PKD1L1: variants seen among roughly 807,000 people sequenced by gnomAD.
The protein encoded by PKD1L1 is polycystin 1 like 1, transient receptor potential channel interacting.
A neutral mutation model predicts 323.4 loss-of-function variants in PKD1L1; 236 were observed. The observed-to-expected ratio is 0.73, with a 90% confidence interval of 0.66 to 0.81. PKD1L1 has a LOEUF of 0.81. Ranked by LOEUF, PKD1L1 falls within the 40% of genes least tolerant of loss-of-function variation. The pLI, the probability that PKD1L1 is intolerant of heterozygous loss-of-function variation, is 0.00. For missense variants in PKD1L1, 3,320 were observed against 3,508.0 expected (o/e 0.95, Z 1.35); for synonymous variants, 1,344 against 1,335.0 (o/e 1.01, Z -0.15).
At chr7:47,824,580 C>T (rs2128733429) in intron 45 of PKD1L1, among the ~76,000 whole-genome samples, 1 of 152,234 alleles carries the variant, frequency 6.6e-6, no homozygotes, top group South Asian at 2.1e-4. Flanking sequence ...AAATCTTATT[C>T]CTTCTCTCCC....
At chr7:47,958,619 A>T in the PKD1L1 span, among the ~76,000 whole-genome samples, 14 of 152,266 alleles carry the variant, frequency 9.2e-5, no homozygotes, top group Non-Finnish European at 1.9e-4. Context: ...AAGCTTCTGC[A>T]CAGCAAAGGA....
chr7:47,876,788 A>C (rs540889804), intron 22 of PKD1L1, among the ~76,000 whole-genome samples: 5 of 151,700 alleles, frequency 3.3e-5, no homozygotes, highest in African/African-American at 1.2e-4. Context: ...TCTTTTTTTA[A>C]ATTTTTTTTT....
At chr7:47,865,346 T>C in intron 25 of PKD1L1, 74 bp from the exon 26 acceptor site, 2 of 1,351,144 alleles carry the variant, frequency 1.5e-6, no homozygotes, top group Middle Eastern at 3.6e-4. Flanking sequence ...GGGTTAAAGT[T>C]ACAGCTTGCC....
At chr7:47,829,372 T>C (rs1035111651) in intron 44 of PKD1L1, 53 bp downstream of exon 44, 3 of 1,490,450 alleles carry the variant, frequency 2.0e-6, no homozygotes, top group African/African-American at 1.4e-5. Flanking sequence ...CATGATAGAA[T>C]ATAAAGTAGT....
chr7:47,862,722 C>T (rs987735867), intron 26 of PKD1L1, among the ~76,000 whole-genome samples: 2 of 152,058 alleles, frequency 1.3e-5, no homozygotes, highest in African/African-American at 4.8e-5. Flanking sequence ...TTTGAAAAGC[C>T]AAGGGGAGGG....
At chr7:47,799,812 C>G (rs1289653194) in intron 54 of PKD1L1, among the ~76,000 whole-genome samples, 1 of 152,190 alleles carries the variant, frequency 6.6e-6, no homozygotes, top group East Asian at 1.9e-4. Flanking sequence ...ATAGGAACAC[C>G]TGTAGGGCCT....
At chr7:47,850,918 G>C (rs767019740) in intron 31 of PKD1L1, among the ~76,000 whole-genome samples, 7 of 152,134 alleles carry the variant, frequency 4.6e-5, no homozygotes, top group Non-Finnish European at 8.8e-5. Flanking sequence ...CTGTAGGATA[G>C]AGCAAAGTGA....
chr7:47,905,245 G>A lies in PKD1L1; in HGVS notation c.1603C>T (p.Pro535Ser), dbSNP rs773487217. ...TFTAVTKETI[P>S]LEFEWYFGED... is the part of the protein sequence containing the mutation. ...CCAAAATACCACTCAAATTCCAGGG[G>A]TATTGTTTCCTTGGTAACAGCTGTA... The change falls in exon 11 of 57, where the codon CCC (proline) becomes TCC (serine). Residue 535 changes from proline (P) to serine (S), a missense_variant. Physicochemically the swap from Pro to Ser is moderately conservative, Grantham distance 74 (BLOSUM62 -1). Transcript: ENST00000289672. The A allele has an allele frequency of 6.2e-7, 1 of 1,614,084 alleles. No homozygotes were observed. Among genetic ancestry groups the A allele is most frequent in the East Asian group, 2.2e-5 (1 of 44,880 alleles).
chr7:47,811,176 C>A (rs1391654752), intron 50 of PKD1L1, among the ~76,000 whole-genome samples: 1 of 136,806 alleles, frequency 7.3e-6, no homozygotes, highest in African/African-American at 2.7e-5. Context: ...TTTTTTTAGA[C>A]GGAGTCTTGC....
chr7:47,943,375 C>G (rs760606946), intron 2 of PKD1L1, 21 bp downstream of exon 2: 10 of 1,576,706 alleles, frequency 6.3e-6, no homozygotes, highest in Non-Finnish European at 7.8e-6. Context: ...GGTGGCCATG[C>G]CTCCTTCCCC....
At chr7:47,948,546 G>A, upstream of PKD1L1, 5 of 1,121,172 alleles carry the variant, frequency 4.5e-6, no homozygotes, top group Admixed American at 3.7e-5. Flanking sequence ...TTCTGTACTT[G>A]TGACCTCTTA....
In PKD1L1 at chr7:47,904,612, C is replaced by G. The variant is rs143510449; in HGVS notation, c.1697G>C (p.Arg566Pro). 3.1e-6 allele frequency: 5 copies of G among 1,610,794 alleles called. No homozygotes were observed. Among genetic ancestry groups the G allele is most frequent in the Non-Finnish European group, 4.2e-6 (5 of 1,177,778 alleles). Residue 566 changes from arginine to proline, a missense_variant, in exon 12 of 57, where the codon CGT (arginine) becomes CCT (proline). Arg to Pro is a moderately radical substitution (Grantham distance 103). Coordinates refer to ENST00000289672, the MANE Select transcript of PKD1L1 (RefSeq NM_138295.5). Reference sequence around the variant, plus strand: ...CCTGTTGGAAGCCTTAACCATCACACGATACCTGCAGGATGGGGAAAGGAG... The same window carrying G: ...CCTGTTGGAAGCCTTAACCATCACAGGATACCTGCAGGATGGGGAAAGGAG... ...KKRLSIPQWYRVMVKASNRMS... is the reference protein window; with the variant it reads ...KKRLSIPQWYPVMVKASNRMS...
the PKD1L1 span, among the ~76,000 whole-genome samples, chr7:47,954,802 G>A: frequency 1.3e-5 from 2 of 152,308 alleles, no homozygotes; most frequent in Non-Finnish European, 2.9e-5. Context: ...TGTCTCAAGA[G>A]GCTGAATGAC....
intron 53 of PKD1L1, 57 bp downstream of exon 53, chr7:47,803,153 A>C: frequency 1.9e-6 from 3 of 1,603,152 alleles, no homozygotes; most frequent in Non-Finnish European, 1.7e-6. Context: ...AAGGCTGACG[A>C]GTACACAGAT....
chr7:47,793,420 A>G (rs1787000577), intron 55 of PKD1L1, among the ~76,000 whole-genome samples: 1 of 152,180 alleles, frequency 6.6e-6, no homozygotes, highest in African/African-American at 2.4e-5. Flanking sequence ...GTGATAGTGA[A>G]TAAGATCTCA....
At position 47,800,864 on chromosome 7, in the gene PKD1L1, T is replaced by A; in HGVS notation, c.7978A>T (p.Met2660Leu). 1.9e-6 allele frequency: 3 copies of A among 1,613,976 alleles called. No individual in the cohort carries two copies. The highest frequency in any genetic ancestry group is 2.5e-6 in the Non-Finnish European group (3 of 1,179,950). The change falls in exon 54 of 57, where the codon ATG (methionine) becomes TTG (leucine). Residue 2660 changes from methionine (M) to leucine (L), a missense_variant. Physicochemically the swap from Met to Leu is conservative, Grantham distance 15 (BLOSUM62 2). Coordinates refer to ENST00000289672, the MANE Select transcript of PKD1L1 (RefSeq NM_138295.5). ...IFVAGLVGAL[M>L]LAALSHLHRF... ...TGCAGGTGGGAGAGGGCGGCCAGCA[T>A]CAGTGCCCCCACCAGCTGCAGAAAG...
At chr7:47,899,472 G>A (rs1407452628) in intron 13 of PKD1L1, among the ~76,000 whole-genome samples, 2 of 152,106 alleles carry the variant, frequency 1.3e-5, no homozygotes, top group African/African-American at 4.8e-5. Flanking sequence ...CAGCCACTCT[G>A]TCTTTCTGAA....
intron 52 of PKD1L1, among the ~76,000 whole-genome samples, chr7:47,804,340 GTATAAT>G (rs1784729685): frequency 6.6e-6 from 1 of 151,902 alleles, no homozygotes; most frequent in African/African-American, 2.4e-5. Flanking sequence ...GTTTTAAAAA[GTATAAT>G]TAAACAGAGT....
chr7:47,814,662 C>T (rs1348102460), intron 47 of PKD1L1, among the ~76,000 whole-genome samples: 1 of 152,276 alleles, frequency 6.6e-6, no homozygotes, highest in Middle Eastern at 3.4e-3. Flanking sequence ...TATAGGCACG[C>T]GCCACCACAC....
Sources: gnomAD v4.1 joint callset for allele counts (sites outside exome capture counted in the v4.1 genomes callset) on GRCh38, gnomAD v4.1.1 for gene constraint, MANE v1.5 for transcripts, NCBI Gene and HGNC (gene_info 2026-07-23, HGNC 2026-07-21) for gene names.